Variants in SLC25A48 observed in about 807,000 individuals in gnomAD.
The protein encoded by SLC25A48 is solute carrier family 25 member 48, also known as CTC-321K16.1.
Under a neutral mutation model 32.2 loss-of-function variants are expected in SLC25A48, and 29 were observed. The ratio of observed to expected loss-of-function variants is 0.90; its 90% CI spans 0.67 to 1.23. The LOEUF (loss-of-function observed/expected upper bound fraction) is 1.23, where lower values mean the gene tolerates loss of function less well. Among genes scored for constraint, SLC25A48 ranks in the 50% most tolerant of loss-of-function variants. The pLI is 0.00. For missense variants in SLC25A48, 399 were observed against 422.7 expected (o/e 0.94, Z 0.49); for synonymous variants, 164 against 172.3 (o/e 0.95, Z 0.38).
chr5:135,658,450 A>G (rs1561778554), intron 3 of SLC25A48, among the ~76,000 whole-genome samples: 1 of 152,120 alleles, frequency 6.6e-6, no homozygotes, highest in African/African-American at 2.4e-5. Flanking sequence ...AGCCCTCTCA[A>G]CTGCTTTCAT....
chr5:135,789,113 G>A (rs191503204), intron 3 of SLC25A48, among the ~76,000 whole-genome samples: 44 of 151,770 alleles, frequency 2.9e-4, no homozygotes, highest in African/African-American at 1.0e-3. Flanking sequence ...TATGTGGCAG[G>A]GGGTGTACAC....
In SLC25A48 at chr5:135,630,282, C is replaced by T. The variant is rs375528901; in HGVS notation, c.-709+906C>T. Among the ~76,000 whole-genome samples, 3 of 152,286 alleles carry T rather than the reference C, an allele frequency of 2.0e-5. No homozygotes were observed. The East Asian group carries it at 5.8e-4, about 29-fold the overall frequency. On this transcript the variant is annotated intron_variant, in intron 2 of 10. Coordinates refer to the SLC25A48 transcript ENST00000646290. ...CTGCCTCTGCTGTAATCCCAGGAGG[C>T]CTCCTTGAAAGGTTTCTTCTGCTGC...
intron 3 of SLC25A48, among the ~76,000 whole-genome samples, chr5:135,690,037 T>C (rs1422612899): frequency 1.6e-4 from 25 of 152,262 alleles, no homozygotes; most frequent in Non-Finnish European, 1.6e-4. Flanking sequence ...ACATTCGAAC[T>C]AGGGTGACCC....
At chr5:135,883,117 A>G in intron 7 of SLC25A48, 1 of 985,466 alleles carries the variant, frequency 1.0e-6, no homozygotes, top group Non-Finnish European at 1.2e-6. Flanking sequence ...CCATGATGTG[A>G]ATTTACTGAA....
chr5:135,765,994 G>A (rs994689267), intron 3 of SLC25A48, among the ~76,000 whole-genome samples: 1 of 124,086 alleles, frequency 8.1e-6, no homozygotes, highest in Admixed American at 8.0e-5. Context: ...TAGTATCCAA[G>A]GCGGGAGAGG....
At chr5:135,886,588 A>AATATATAT (rs147005349) in intron 7 of SLC25A48, among the ~76,000 whole-genome samples, 76 of 35,372 alleles carry the variant, frequency 2.1e-3, no homozygotes, top group Admixed American at 3.3e-3. Context: ...TATTTAACCA[A>AATATATAT]ATATATATAT....
Position 135,888,024 on chromosome 5 carries a change from G to T in SLC25A48, c.*8-8G>T, listed in dbSNP as rs9327734. ...CTTCTCTGAGTCTGGGTTGTTTGCTGTTTCCAGGAGGTGAACACAGGATGA... is the reference window on the plus strand; with the variant it reads ...CTTCTCTGAGTCTGGGTTGTTTGCTTTTTCCAGGAGGTGAACACAGGATGA... On this transcript the variant is annotated splice_polypyrimidine_tract_variant and splice_region_variant and intron_variant, in intron 7 of 7. Coordinates refer to ENST00000681962, the MANE Select transcript of SLC25A48 (RefSeq NM_001349336.2). The T allele has an allele frequency of 0.18, 281,332 of 1,549,954 alleles. 28,559 individuals are homozygous for T. Among genetic ancestry groups the T allele is most frequent in the African/African-American group, 0.41 (29,711 of 72,960 alleles).
At chr5:135,790,181 T>A (rs1027741904) in intron 3 of SLC25A48, among the ~76,000 whole-genome samples, 4 of 151,858 alleles carry the variant, frequency 2.6e-5, no homozygotes, top group Admixed American at 2.6e-4. Context: ...CAATATGATA[T>A]TATTCATAAT....
intron 3 of SLC25A48, among the ~76,000 whole-genome samples, chr5:135,693,364 T>C (rs542342664): frequency 4.7e-4 from 71 of 152,064 alleles, no homozygotes; most frequent in African/African-American, 1.6e-3. Flanking sequence ...CAGTTCTCCT[T>C]GGTAGGGGCT....
intron 6 of SLC25A48, among the ~76,000 whole-genome samples, chr5:135,877,583 T>C (rs1762149310): frequency 2.0e-5 from 3 of 152,146 alleles, no homozygotes; most frequent in Admixed American, 2.0e-4. Context: ...CTGATTCAAT[T>C]AATGTGTTTA....
rs114793127 is a variant in SLC25A48, at chr5:135,846,734, C to A, written c.91-3691C>A. Among the ~76,000 whole-genome samples, 1,292 of 152,236 alleles carry A rather than the reference C, an allele frequency of 8.5e-3. 9 individuals carry two copies. Among genetic ancestry groups the A allele is most frequent in the African/African-American group, 0.027 (1,122 of 41,530 alleles). ...CTTCAAGATGTATCCACTGCATTCA[C>A]ACAATCCAGGGCTCCCATTCTCTAT... On this transcript the variant is annotated intron_variant, in intron 2 of 7. Coordinates refer to ENST00000681962, the MANE Select transcript of SLC25A48 (RefSeq NM_001349336.2).
At chr5:135,643,076 C>G (rs879673619) in intron 3 of SLC25A48, among the ~76,000 whole-genome samples, 1 of 152,186 alleles carries the variant, frequency 6.6e-6, no homozygotes, top group Non-Finnish European at 1.5e-5. Flanking sequence ...GTCTGGGGTG[C>G]GCTGAATAGA....
At chr5:135,617,023 G>A (rs1232706026) in intron 1 of SLC25A48, among the ~76,000 whole-genome samples, 5 of 151,046 alleles carry the variant, frequency 3.3e-5, no homozygotes, top group Non-Finnish European at 7.4e-5. Context: ...AATAGTTAGA[G>A]GATAATTGGT....
At chr5:135,606,263 G>A (rs1751930641) in intron 1 of SLC25A48, among the ~76,000 whole-genome samples, 2 of 152,214 alleles carry the variant, frequency 1.3e-5, no homozygotes, top group African/African-American at 4.8e-5. Context: ...ATCTTGACAA[G>A]ATAGGGGAGT....
intron 3 of SLC25A48, among the ~76,000 whole-genome samples, chr5:135,691,987 C>T (rs186101589): frequency 8.5e-5 from 13 of 152,206 alleles, no homozygotes; most frequent in African/African-American, 1.4e-4. Flanking sequence ...CCAAGAGCTA[C>T]GTGAGTTGTG....
chr5:135,803,477 T>C (rs1294537275), intron 3 of SLC25A48, among the ~76,000 whole-genome samples: 1 of 152,026 alleles, frequency 6.6e-6, no homozygotes, highest in Non-Finnish European at 1.5e-5. Flanking sequence ...TTACTCCTAA[T>C]ATCATAGTTG....
chr5:135,831,250 C>G (rs1229332984), upstream of SLC25A48, among the ~76,000 whole-genome samples: 1 of 152,172 alleles, frequency 6.6e-6, no homozygotes, highest in Non-Finnish European at 1.5e-5. Context: ...TGTCTTGTAT[C>G]CAGACACCCT....
chr5:135,773,727 A>G (rs1756476097), intron 3 of SLC25A48, among the ~76,000 whole-genome samples: 1 of 150,608 alleles, frequency 6.6e-6, no homozygotes, highest in Admixed American at 6.7e-5. Context: ...AGGGTTGTAC[A>G]CCACTGCTGT....
chr5:135,783,244 G>C lies in SLC25A48; in HGVS notation c.-520-29279G>C, dbSNP rs776185787. Reference sequence around the variant, plus strand: ...GATATTACTCTCAATATCGCATGAGGCATACATATCCACTGTGGTATCGTC... The same window carrying C: ...GATATTACTCTCAATATCGCATGAGCCATACATATCCACTGTGGTATCGTC... On this transcript the variant is annotated intron_variant, in intron 3 of 10. Coordinates refer to the SLC25A48 transcript ENST00000646290. Among the ~76,000 whole-genome samples, 19 of 119,286 alleles carry C rather than the reference G, an allele frequency of 1.6e-4. 2 individuals carry two copies. Among genetic ancestry groups the C allele is most frequent in the African/African-American group, 4.8e-4 (19 of 39,194 alleles). 78.3% of individuals were successfully genotyped at this position (119,286 alleles called of 152,430 possible).
Sources: gnomAD v4.1 joint callset for allele counts (sites outside exome capture counted in the v4.1 genomes callset) on GRCh38, gnomAD v4.1.1 for gene constraint, MANE v1.5 for transcripts, NCBI Gene and HGNC (gene_info 2026-07-23, HGNC 2026-07-21) for gene names.